Variants in SEMA3A observed in about 807,000 individuals in gnomAD.
The protein encoded by SEMA3A is semaphorin 3A, also known as semaphorin-3A.
In SEMA3A, 29 loss-of-function variants were observed where a neutral mutation model predicts 97.9. The ratio of observed to expected loss-of-function variants is 0.30; its 90% CI spans 0.22 to 0.40. The LOEUF (loss-of-function observed/expected upper bound fraction) is 0.40, where lower values mean the gene tolerates loss of function less well. Ranked by LOEUF, SEMA3A falls within the 10% of genes least tolerant of loss-of-function variation. The pLI is 1.00. For missense variants in SEMA3A, 763 were observed against 951.3 expected, an observed-to-expected ratio of 0.80 and a Z score of 2.60; for synonymous variants, 321 against 323.7, an observed-to-expected ratio of 0.99 and a Z score of 0.09.
chr7:84,357,482 T>G (rs1314258817), intron 2 of SEMA3A, among the ~76,000 whole-genome samples: 3 of 152,178 alleles, frequency 2.0e-5, no homozygotes, highest in Admixed American at 6.6e-5. Flanking sequence ...TTTTTATGGC[T>G]GCATAGTATT....
At chr7:84,067,530 A>G (rs1027288201) in intron 4 of SEMA3A, among the ~76,000 whole-genome samples, 9 of 152,136 alleles carry the variant, frequency 5.9e-5, no homozygotes, top group East Asian at 1.9e-4. Flanking sequence ...TCATCTGACA[A>G]AGGGCTAATA....
chr7:84,115,325 C>T (rs2115960739), intron 3 of SEMA3A, among the ~76,000 whole-genome samples: 1 of 152,018 alleles, frequency 6.6e-6, no homozygotes, highest in East Asian at 1.9e-4. Context: ...CAGTTAAGTG[C>T]CCAATTTGAC....
intron 1 of SEMA3A, among the ~76,000 whole-genome samples, chr7:84,186,285 C>T (rs1797882739): frequency 6.6e-6 from 1 of 151,944 alleles, no homozygotes; most frequent in African/African-American, 2.4e-5. Context: ...TTTATTTATC[C>T]AAGAATCTAT....
intron 2 of SEMA3A, among the ~76,000 whole-genome samples, chr7:84,351,626 A>T (rs974733136): frequency 6.6e-6 from 1 of 152,072 alleles, no homozygotes; most frequent in Non-Finnish European, 1.5e-5. Flanking sequence ...AAAGTACTCA[A>T]CATTACTGAT....
intron 12 of SEMA3A, among the ~76,000 whole-genome samples, chr7:83,993,826 G>A (rs1790075078): frequency 7.7e-6 from 1 of 129,656 alleles, no homozygotes; most frequent in South Asian, 2.8e-4. Context: ...GTATCTTTGT[G>A]GCATTCTTTA....
intron 3 of SEMA3A, among the ~76,000 whole-genome samples, chr7:84,238,719 A>AT (rs60410629): frequency 8.8e-4 from 129 of 146,728 alleles, no homozygotes; most frequent in Middle Eastern, 3.5e-3. Flanking sequence ...AACTACAATA[A>AT]TTTTTTTTTT....
intron 4 of SEMA3A, among the ~76,000 whole-genome samples, chr7:84,073,909 T>A (rs150650665): frequency 1.3e-5 from 2 of 149,944 alleles, no homozygotes; most frequent in African/African-American, 5.0e-5. Flanking sequence ...ATCATACATA[T>A]GTTTTATCAG....
chr7:84,318,258 AAAT>A (rs996562102), intron 2 of SEMA3A, among the ~76,000 whole-genome samples: 2 of 151,946 alleles, frequency 1.3e-5, no homozygotes, highest in African/African-American at 2.4e-5. Context: ...AACACAGTTT[AAAT>A]AAGGAAACCA....
chr7:84,429,547 T>TATATATATATATATATATAGAGAG (rs1443588588), intron 1 of SEMA3A, among the ~76,000 whole-genome samples: 1 of 115,950 alleles, frequency 8.6e-6, no homozygotes, highest in African/African-American at 3.2e-5. Context: ...TATATATATA[T>TATATATATATATATATATAGAGAG]AGCGAGAGAG....
chr7:84,400,736 C>G (rs973136932), intron 1 of SEMA3A, among the ~76,000 whole-genome samples: 8 of 152,182 alleles, frequency 5.3e-5, no homozygotes, highest in African/African-American at 1.9e-4. Context: ...CAACTGAGAT[C>G]TTTCCAAACC....
intron 3 of SEMA3A, among the ~76,000 whole-genome samples, chr7:84,203,502 G>GTATATATATA (rs1178194583): frequency 4.4e-4 from 25 of 57,018 alleles, no homozygotes; most frequent in East Asian, 5.4e-4. Context: ...TTGTGTGTGT[G>GTATATATATA]TATATATATA....
At chr7:84,226,241 G>A (rs865844965) in intron 3 of SEMA3A, among the ~76,000 whole-genome samples, 2 of 151,968 alleles carry the variant, frequency 1.3e-5, no homozygotes, top group Non-Finnish European at 2.9e-5. Flanking sequence ...AATTCAGAAT[G>A]GTGTTGTTGG....
intron 1 of SEMA3A, among the ~76,000 whole-genome samples, chr7:84,192,604 C>T (rs1171024208): frequency 6.6e-6 from 1 of 151,832 alleles, no homozygotes; most frequent in African/African-American, 2.4e-5. Context: ...ATGTGTACAA[C>T]AAAGGATATT....
At chr7:84,241,576 GT>G (rs998075046) in intron 3 of SEMA3A, among the ~76,000 whole-genome samples, 1 of 152,042 alleles carries the variant, frequency 6.6e-6, no homozygotes, top group African/African-American at 2.4e-5. Context: ...TCTGATGATA[GT>G]TTTTTTGTTT....
At chr7:84,286,666 G>A (rs1800597060) in intron 3 of SEMA3A, among the ~76,000 whole-genome samples, 1 of 152,012 alleles carries the variant, frequency 6.6e-6, no homozygotes, top group South Asian at 2.1e-4. Flanking sequence ...CAGAGAAATA[G>A]AAGACAAGGC....
At chr7:84,125,805 A>G (rs1227059038) in intron 3 of SEMA3A, among the ~76,000 whole-genome samples, 1 of 152,220 alleles carries the variant, frequency 6.6e-6, no homozygotes, top group Non-Finnish European at 1.5e-5. Context: ...ACACAAATTA[A>G]ATCTGCTATC....
chr7:84,231,212 C>A (rs374089119), intron 3 of SEMA3A, among the ~76,000 whole-genome samples: 2 of 151,912 alleles, frequency 1.3e-5, no homozygotes, highest in Non-Finnish European at 2.9e-5. Flanking sequence ...TTAAAGTTAT[C>A]CTGTGGCCTT....
At chr7:84,239,724 C>G (rs955797892) in intron 3 of SEMA3A, among the ~76,000 whole-genome samples, 1 of 152,054 alleles carries the variant, frequency 6.6e-6, no homozygotes, top group Non-Finnish European at 1.5e-5. Context: ...GGACTTAGGA[C>G]TTAAAGCTAA....
At chr7:84,064,133 G>C (rs917825042) in intron 4 of SEMA3A, among the ~76,000 whole-genome samples, 28 of 152,232 alleles carry the variant, frequency 1.8e-4, no homozygotes, top group Middle Eastern at 6.8e-3. Flanking sequence ...TTAAAGAAAA[G>C]AATTTTCAAC....
Sources: gnomAD v4.1 joint callset for allele counts (sites outside exome capture counted in the v4.1 genomes callset) on GRCh38, gnomAD v4.1.1 for gene constraint, MANE v1.5 for transcripts, NCBI Gene and HGNC (gene_info 2026-07-23, HGNC 2026-07-21) for gene names.